Variants in AOAH observed in about 807,000 individuals in gnomAD.
The protein encoded by AOAH is acyloxyacyl hydrolase.
In AOAH, 64 loss-of-function variants were observed where a neutral mutation model predicts 92.2. That is an observed-to-expected ratio of 0.69 (90% CI 0.57 to 0.86). The LOEUF (loss-of-function observed/expected upper bound fraction) is 0.86, where lower values mean the gene tolerates loss of function less well. Among genes scored for constraint, AOAH ranks in the 40% least tolerant of loss-of-function variants. The pLI is 0.00. For missense variants in AOAH, 656 were observed against 694.6 expected (o/e 0.94, Z 0.62); for synonymous variants, 263 against 254.5 (o/e 1.03, Z -0.32).
intron 1 of AOAH, among the ~76,000 whole-genome samples, chr7:36,703,768 G>A (rs542371426): frequency 4.6e-5 from 7 of 152,100 alleles, no homozygotes; most frequent in East Asian, 1.9e-4. Flanking sequence ...TGCAATAAAC[G>A]TATGTGTGCA....
intron 15 of AOAH, among the ~76,000 whole-genome samples, chr7:36,546,559 C>A (rs1200019337): frequency 6.6e-6 from 1 of 152,200 alleles, no homozygotes; most frequent in African/African-American, 2.4e-5. Context: ...TGTCTGCCTG[C>A]CCTTTAGCTC....
At chr7:36,652,682 T>C (rs1302587065) in intron 4 of AOAH, among the ~76,000 whole-genome samples, 1 of 152,234 alleles carries the variant, frequency 6.6e-6, no homozygotes, top group Non-Finnish European at 1.5e-5. Context: ...ACCTCTGTGG[T>C]GTTCTTTCCA....
chr7:36,620,895 G>T, intron 8 of AOAH, 66 bp from the exon 9 acceptor site: 12 of 1,378,604 alleles, frequency 8.7e-6, no homozygotes, highest in South Asian at 2.4e-5. Flanking sequence ...TCAGTTTCAT[G>T]CATGAATGAA....
At chr7:36,585,190 A>T (rs1203037962) in intron 12 of AOAH, among the ~76,000 whole-genome samples, 1 of 152,012 alleles carries the variant, frequency 6.6e-6, no homozygotes, top group African/African-American at 2.4e-5. Flanking sequence ...CTGGGGGATG[A>T]TCCCTGAGGG....
intron 13 of AOAH, among the ~76,000 whole-genome samples, chr7:36,551,294 G>A (rs1030421200): frequency 6.6e-6 from 1 of 152,024 alleles, no homozygotes; most frequent in Non-Finnish European, 1.5e-5. Flanking sequence ...GGCTGGTGTC[G>A]AACTCCTGAC....
intron 4 of AOAH, among the ~76,000 whole-genome samples, chr7:36,658,399 CG>C (rs1795012600): frequency 6.6e-6 from 1 of 151,904 alleles, no homozygotes; most frequent in African/African-American, 2.4e-5. Flanking sequence ...TTTTTTTTCA[CG>C]GGCAGCTCCT....
At chr7:36,527,947 C>T (rs1420545885) in intron 19 of AOAH, among the ~76,000 whole-genome samples, 4 of 152,154 alleles carry the variant, frequency 2.6e-5, no homozygotes, top group Admixed American at 2.6e-4. Flanking sequence ...TTTTGCAGTA[C>T]CTGACTCTGA....
intron 12 of AOAH, among the ~76,000 whole-genome samples, chr7:36,581,055 G>A (rs1788896033): frequency 6.6e-6 from 1 of 152,136 alleles, no homozygotes; most frequent in Admixed American, 6.6e-5. Context: ...TATGGGAGGG[G>A]CAGTTGACCA....
At chr7:36,671,850 A>C (rs1462323077) in intron 3 of AOAH, among the ~76,000 whole-genome samples, 1 of 152,108 alleles carries the variant, frequency 6.6e-6, no homozygotes, top group Non-Finnish European at 1.5e-5. Context: ...TGGAGTGGCA[A>C]GGGGTGAGTC....
At chr7:36,636,112 GAA>G (rs1491335179) in intron 5 of AOAH, among the ~76,000 whole-genome samples, 4 of 152,132 alleles carry the variant, frequency 2.6e-5, no homozygotes, top group Non-Finnish European at 4.4e-5. Flanking sequence ...GGCCAGGTCT[GAA>G]GTTATATCAG....
intron 1 of AOAH, among the ~76,000 whole-genome samples, chr7:36,714,470 C>A (rs1031282611): frequency 3.2e-4 from 49 of 152,200 alleles, no homozygotes; most frequent in Non-Finnish European, 5.3e-4. Flanking sequence ...CTCCCTAACT[C>A]ATTTTATGAG....
At chr7:36,681,488 G>A (rs4304243) in intron 2 of AOAH, among the ~76,000 whole-genome samples, 1 of 151,906 alleles carries the variant, frequency 6.6e-6, no homozygotes, top group East Asian at 1.9e-4. Context: ...ATGGAAAGAT[G>A]GTGGTGGAGG....
chr7:36,654,300 C>T (rs1794751902), intron 4 of AOAH, among the ~76,000 whole-genome samples: 1 of 152,220 alleles, frequency 6.6e-6, no homozygotes, highest in Non-Finnish European at 1.5e-5. Context: ...TTCTCTTCCT[C>T]CTTTTCTCCT....
At chr7:36,652,746 G>A (rs941922699) in intron 4 of AOAH, among the ~76,000 whole-genome samples, 4 of 152,138 alleles carry the variant, frequency 2.6e-5, no homozygotes, top group Admixed American at 2.0e-4. Context: ...ATCCCAATTC[G>A]AGGAACATTT....
At chr7:36,720,465 A>G (rs1312802396) in intron 1 of AOAH, among the ~76,000 whole-genome samples, 2 of 151,936 alleles carry the variant, frequency 1.3e-5, no homozygotes, top group Non-Finnish European at 2.9e-5. Flanking sequence ...GCCACCACAC[A>G]CGACCTAAAA....
intron 13 of AOAH, among the ~76,000 whole-genome samples, chr7:36,569,470 A>AACCT (rs202111424): frequency 6.8e-6 from 1 of 147,954 alleles, no homozygotes. Flanking sequence ...TACTTAAAAA[A>AACCT]ATCTATCTAT....
intron 1 of AOAH, among the ~76,000 whole-genome samples, chr7:36,707,224 T>C (rs1025761667): frequency 6.6e-6 from 1 of 152,042 alleles, no homozygotes; most frequent in Non-Finnish European, 1.5e-5. Flanking sequence ...ATGTTAATAT[T>C]GTTTTGTCTC....
In AOAH at chr7:36,525,641, C is replaced by G. The variant is rs867644653; in HGVS notation, c.1523-3526G>C. Among the ~76,000 whole-genome samples, 12 of 152,144 alleles carry G rather than the reference C, an allele frequency of 7.9e-5. 1 individual carries two copies. Among genetic ancestry groups the G allele is most frequent in the African/African-American group, 2.4e-4 (10 of 41,446 alleles). ...ATCCAAAATGCTCTAAAATTCAAAACTTTTTGAGTGCCAACATGATGCTGA... is the reference window on the plus strand; with the variant it reads ...ATCCAAAATGCTCTAAAATTCAAAAGTTTTTGAGTGCCAACATGATGCTGA... On this transcript the variant is annotated intron_variant, in intron 19 of 20. Coordinates refer to ENST00000617537, the MANE Select transcript of AOAH (RefSeq NM_001637.4).
intron 1 of AOAH, among the ~76,000 whole-genome samples, chr7:36,711,290 ACTT>A (rs374400045): frequency 1.8e-4 from 28 of 152,240 alleles, no homozygotes; most frequent in Non-Finnish European, 1.3e-4. Flanking sequence ...ATGCTTTACA[ACTT>A]CTTCTTTTTT....
Sources: allele counts gnomAD v4.1 joint callset (sites outside exome capture counted in the v4.1 genomes callset), GRCh38; gene constraint gnomAD v4.1.1; transcripts MANE v1.5; gene names NCBI Gene and HGNC (gene_info 2026-07-23, HGNC 2026-07-21).